The following TMCO4 variants were observed in gnomAD, a reference collection of about 807,000 sequenced individuals.
The protein encoded by TMCO4 is transmembrane and coiled-coil domain-containing protein 4.
Under a neutral mutation model 64.7 loss-of-function variants are expected in TMCO4, and 58 were observed. The observed-to-expected ratio is 0.90, with a 90% CI of 0.73 to 1.12. The LOEUF is 1.12. Among genes scored for constraint, TMCO4 ranks in the 50% most tolerant of loss-of-function variants. The pLI, the probability that TMCO4 is intolerant of heterozygous loss-of-function variation, is 0.00. For missense variants in TMCO4, 780 were observed against 825.9 expected (o/e 0.94, Z 0.68); for synonymous variants, 325 against 346.1 (o/e 0.94, Z 0.68).
At chr1:19,758,432 G>C (rs566727703) in intron 6 of TMCO4, among the ~76,000 whole-genome samples, 9 of 152,304 alleles carry the variant, frequency 5.9e-5, no homozygotes, top group Admixed American at 4.6e-4. Context: ...TTAATTGGTG[G>C]CAATGATAAT....
chr1:19,701,857 C>A (rs559524915), intron 13 of TMCO4, among the ~76,000 whole-genome samples: 2 of 152,118 alleles, frequency 1.3e-5, no homozygotes, highest in South Asian at 4.2e-4. Context: ...GGGCTGGGGG[C>A]GGTGGTTCAC....
At chr1:19,729,767 A>G (rs2095422914) in intron 13 of TMCO4, among the ~76,000 whole-genome samples, 1 of 152,174 alleles carries the variant, frequency 6.6e-6, no homozygotes, top group Admixed American at 6.5e-5. Flanking sequence ...TGTCTCAAAA[A>G]ATAAATAAAT....
intron 15 of TMCO4, among the ~76,000 whole-genome samples, chr1:19,693,175 A>C (rs1446799613): frequency 6.0e-5 from 7 of 116,630 alleles, no homozygotes; most frequent in African/African-American, 1.5e-4. Context: ...AAAAAAAAAA[A>C]AAAAAAAAAA....
intron 14 of TMCO4, 70 bp from the exon 15 acceptor site, chr1:19,694,621 G>A: frequency 6.9e-7 from 1 of 1,456,122 alleles, no homozygotes. Flanking sequence ...GGACGGGCCA[G>A]GCTGCCTCCT....
At chr1:19,707,058 C>G (rs1407998091) in intron 13 of TMCO4, among the ~76,000 whole-genome samples, 2 of 152,242 alleles carry the variant, frequency 1.3e-5, no homozygotes, top group African/African-American at 4.8e-5. Flanking sequence ...GGACCCATCT[C>G]TCATGGAGTC....
At chr1:19,741,530 T>C (rs1236828360) in intron 10 of TMCO4, among the ~76,000 whole-genome samples, 2 of 151,980 alleles carry the variant, frequency 1.3e-5, no homozygotes, top group African/African-American at 2.4e-5. Flanking sequence ...ACTGAGGAAA[T>C]ATATCAAATG....
intron 15 of TMCO4, among the ~76,000 whole-genome samples, chr1:19,686,144 G>T: frequency 6.6e-6 from 1 of 152,180 alleles, no homozygotes; most frequent in Non-Finnish European, 1.5e-5. Context: ...GAGGGGTGGC[G>T]GTTTGCTTAA....
intron 13 of TMCO4, among the ~76,000 whole-genome samples, chr1:19,731,925 T>G (rs2095431724): frequency 1.3e-5 from 2 of 152,122 alleles, no homozygotes; most frequent in Non-Finnish European, 2.9e-5. Context: ...AGGAATTCCC[T>G]TACACTCTGG....
chr1:19,705,717 G>A (rs1268697353), intron 13 of TMCO4, among the ~76,000 whole-genome samples: 5 of 152,010 alleles, frequency 3.3e-5, no homozygotes, highest in South Asian at 2.1e-4. Context: ...TTCCTAGAAC[G>A]GGATGGTGTA....
At chr1:19,705,126 T>C (rs1045848477) in intron 13 of TMCO4, among the ~76,000 whole-genome samples, 3 of 152,180 alleles carry the variant, frequency 2.0e-5, no homozygotes, top group South Asian at 2.1e-4. Flanking sequence ...GTGGGCCACA[T>C]TGGAAGAACT....
chr1:19,686,877 C>T (rs1460310856), intron 15 of TMCO4, among the ~76,000 whole-genome samples: 2 of 152,186 alleles, frequency 1.3e-5, no homozygotes, highest in African/African-American at 4.8e-5. Context: ...AAGGGCCTGG[C>T]ACTTCATAGG....
intron 13 of TMCO4, among the ~76,000 whole-genome samples, chr1:19,717,059 G>A (rs1374641875): frequency 6.6e-6 from 1 of 152,136 alleles, no homozygotes; most frequent in Non-Finnish European, 1.5e-5. Context: ...GGTAGTAGGC[G>A]CCTGTAATCC....
At chr1:19,725,577 C>A (rs1470894766) in intron 13 of TMCO4, among the ~76,000 whole-genome samples, 1 of 152,188 alleles carries the variant, frequency 6.6e-6, no homozygotes, top group Non-Finnish European at 1.5e-5. Flanking sequence ...GCAGGCACCA[C>A]CTCCCTGCCC....
At chr1:19,762,230 T>C (rs2042537012) in intron 6 of TMCO4, among the ~76,000 whole-genome samples, 1 of 152,210 alleles carries the variant, frequency 6.6e-6, no homozygotes, top group African/African-American at 2.4e-5. Context: ...GTGAATCCTA[T>C]ATTTTATGCA....
intron 3 of TMCO4, among the ~76,000 whole-genome samples, chr1:19,782,605 TTC>T (rs1374128749): frequency 2.0e-5 from 3 of 152,224 alleles, no homozygotes; most frequent in African/African-American, 7.2e-5. Flanking sequence ...CCTCCTTCTT[TTC>T]CTTCCCTCTA....
chr1:19,739,056 C>T (rs1483400509), intron 12 of TMCO4, among the ~76,000 whole-genome samples: 1 of 152,230 alleles, frequency 6.6e-6, no homozygotes, highest in Non-Finnish European at 1.5e-5. Flanking sequence ...GGCTATTAGA[C>T]AACCTTGCTA....
intron 7 of TMCO4, 72 bp from the exon 8 acceptor site, chr1:19,747,332 C>T: frequency 7.5e-7 from 1 of 1,337,152 alleles, no homozygotes; most frequent in Non-Finnish European, 1.1e-6. Flanking sequence ...ACCACACCAA[C>T]CCTCAAACAG....
In TMCO4 at chr1:19,743,661, G is replaced by C. The variant is rs761016812; in HGVS notation, c.877+1871C>G. Among the ~76,000 whole-genome samples, 4 of 152,146 alleles carry C rather than the reference G, an allele frequency of 2.6e-5. No individual in the cohort carries two copies. Among genetic ancestry groups the C allele is most frequent in the Non-Finnish European group, 4.4e-5 (3 of 68,028 alleles). ...ACAAGTGGGGGCAAAATGAAGAAAG[G>C]AGTTTGCTTTCCATGCCGGCCAGAC... is the stretch of plus-strand genomic sequence containing the variant. On this transcript the variant is annotated intron_variant, in intron 10 of 15. Transcript: ENST00000294543. The surrounding 1 kb of genome is among the most constrained non-coding windows in gnomAD (Gnocchi z 4.1).
At chr1:19,706,204 C>T (rs901421432) in intron 13 of TMCO4, among the ~76,000 whole-genome samples, 1 of 152,142 alleles carries the variant, frequency 6.6e-6, no homozygotes, top group African/African-American at 2.4e-5. Flanking sequence ...CGCATCTGGC[C>T]CAGGTACCAC....
Sources: gnomAD v4.1 joint callset for allele counts (sites outside exome capture counted in the v4.1 genomes callset) on GRCh38, gnomAD v4.1.1 for gene constraint, Gnocchi (gnomAD v3.1) non-coding constraint, MANE v1.5 for transcripts, NCBI Gene and HGNC (gene_info 2026-07-23, HGNC 2026-07-21) for gene names.